The following NTRK3 variants were observed in gnomAD, a reference collection of about 807,000 sequenced individuals.
NTRK3 encodes the protein NT-3 growth factor receptor.
NTRK3 carries 24 observed loss-of-function variants against 91.7 expected under a neutral mutation model. That is an observed-to-expected ratio of 0.26 (90% CI 0.19 to 0.37). NTRK3 has a LOEUF of 0.37. Ranked by LOEUF, NTRK3 falls within the 10% of genes least tolerant of loss-of-function variation. The probability of loss-of-function intolerance (pLI) is 1.00; values close to 1 mark genes in which losing one functional copy is unlikely to be tolerated. For missense variants in NTRK3, 880 were observed against 1,068.9 expected (o/e 0.82, Z 2.46); for synonymous variants, 483 against 404.0 (o/e 1.20, Z -2.34).
chr15:88,118,056 G>T (rs1380326274), intron 13 of NTRK3, among the ~76,000 whole-genome samples: 1 of 152,242 alleles, frequency 6.6e-6, no homozygotes, highest in Non-Finnish European at 1.5e-5. Flanking sequence ...TGGGGCCGGG[G>T]ATTTGCAGCC....
chr15:87,917,933 T>G (rs1392216452), intron 17 of NTRK3, among the ~76,000 whole-genome samples: 1 of 152,140 alleles, frequency 6.6e-6, no homozygotes, highest in Non-Finnish European at 1.5e-5. Flanking sequence ...GCCACAAGTG[T>G]TTTTTATAGC....
chr15:88,128,241 G>A (rs951514133), intron 11 of NTRK3, among the ~76,000 whole-genome samples: 5 of 152,194 alleles, frequency 3.3e-5, no homozygotes, highest in African/African-American at 1.2e-4. Flanking sequence ...TTCCTTCTGA[G>A]GACACATGAG....
At position 88,255,790 on chromosome 15, in the gene NTRK3, G is replaced by GGGCGGCGGGC. The variant is rs1567728493; in HGVS notation, c.248+106_248+115dup. ...AGAGCGAGCCTGACGCGCGCCCAGC[G>GGGCGGCGGGC]GGCGGCGGGCAGCGGCGAGCTGGGG... On this transcript the variant is annotated intron_variant, in intron 3 of 18. Coordinates refer to ENST00000394480, the Ensembl canonical transcript of NTRK3. This position sits in a 1 kb window ranked among gnomAD's most constrained non-coding sequence, Gnocchi z 4.3. The GGGCGGCGGGC allele has an allele frequency of 2.4e-6, 2 of 835,372 alleles. No homozygotes were observed. The highest frequency in any genetic ancestry group is 4.6e-5 in the Admixed American group (1 of 21,926). The allele number at this position is 835,372 out of a possible 1,614,324, so 51.7% of individuals were successfully genotyped here.
At chr15:87,909,724 T>A (rs962367876) in intron 17 of NTRK3, among the ~76,000 whole-genome samples, 1 of 152,128 alleles carries the variant, frequency 6.6e-6, no homozygotes, top group Non-Finnish European at 1.5e-5. Context: ...ATGAGGTAAC[T>A]AAGGTTCAAT....
chr15:88,112,899 C>A (rs2051580948), intron 13 of NTRK3, among the ~76,000 whole-genome samples: 1 of 152,194 alleles, frequency 6.6e-6, no homozygotes, highest in Non-Finnish European at 1.5e-5. Flanking sequence ...CCGGGAGGTA[C>A]AGAGTTACCC....
intron 14 of NTRK3, among the ~76,000 whole-genome samples, chr15:88,023,002 G>A (rs765900643): frequency 3.9e-5 from 6 of 152,160 alleles, no homozygotes; most frequent in Admixed American, 1.3e-4. Context: ...GCTCCAAAGT[G>A]CATGCTAGGA....
chr15:87,958,130 C>T (rs928622783), intron 14 of NTRK3, among the ~76,000 whole-genome samples: 1 of 152,172 alleles, frequency 6.6e-6, no homozygotes, highest in Non-Finnish European at 1.5e-5. Flanking sequence ...ACACACAATT[C>T]CACAAATTAG....
chr15:88,054,556 T>C (rs2045519642), intron 13 of NTRK3, among the ~76,000 whole-genome samples: 2 of 152,168 alleles, frequency 1.3e-5, no homozygotes, highest in Non-Finnish European at 2.9e-5. Context: ...ATTAGACAGT[T>C]AGAATTAATT....
At chr15:88,026,087 C>T (rs571791474) in intron 14 of NTRK3, among the ~76,000 whole-genome samples, 4 of 152,198 alleles carry the variant, frequency 2.6e-5, no homozygotes, top group South Asian at 2.1e-4. Flanking sequence ...CTTGCTAACA[C>T]GGTGAAACCC....
chr15:88,189,156 G>A (rs748277018), intron 3 of NTRK3, among the ~76,000 whole-genome samples: 2 of 152,188 alleles, frequency 1.3e-5, no homozygotes, highest in African/African-American at 4.8e-5. Context: ...AAGATCTCAT[G>A]ATGCTGCCAG....
At chr15:87,952,379 G>C (rs377210777) in intron 14 of NTRK3, among the ~76,000 whole-genome samples, 9 of 152,282 alleles carry the variant, frequency 5.9e-5, no homozygotes, top group African/African-American at 2.2e-4. Context: ...CCATGAAAGG[G>C]CTCTTGCCCT....
At chr15:88,137,673 G>A in intron 6 of NTRK3, 112 bp from the exon 7 acceptor site, 2 of 1,062,354 alleles carry the variant, frequency 1.9e-6, no homozygotes, top group African/African-American at 1.6e-5. Context: ...AAGGGGAGAA[G>A]GGATTTAACA....
intron 5 of NTRK3, among the ~76,000 whole-genome samples, chr15:88,183,023 C>A (rs1266922322): frequency 2.1e-5 from 3 of 141,912 alleles, no homozygotes; most frequent in African/African-American, 8.0e-5. Flanking sequence ...CCCCCCCCCG[C>A]CCCCCGCCAG....
chr15:88,114,616 G>A (rs1169871234), intron 13 of NTRK3, among the ~76,000 whole-genome samples: 1 of 152,216 alleles, frequency 6.6e-6, no homozygotes, highest in Non-Finnish European at 1.5e-5. Context: ...CAGAAATAAT[G>A]TGGCACAGAA....
At chr15:87,895,004 G>A (rs763725773) in intron 17 of NTRK3, among the ~76,000 whole-genome samples, 1 of 152,142 alleles carries the variant, frequency 6.6e-6, no homozygotes, top group Non-Finnish European at 1.5e-5. Context: ...ATATCTTTGT[G>A]GGGGTGGGGA....
At chr15:87,943,387 G>A (rs1445802831) in intron 14 of NTRK3, among the ~76,000 whole-genome samples, 1 of 151,776 alleles carries the variant, frequency 6.6e-6, no homozygotes, top group Non-Finnish European at 1.5e-5. Flanking sequence ...TAGCTGTGTG[G>A]CCTAGATTGA....
At chr15:88,169,105 G>A (rs958595306) in intron 5 of NTRK3, among the ~76,000 whole-genome samples, 3 of 152,194 alleles carry the variant, frequency 2.0e-5, no homozygotes, top group African/African-American at 7.2e-5. Context: ...GAGAGCCCTG[G>A]AGGACATGCA....
rs115020463 is a variant in NTRK3 at position 88,088,344 on chromosome 15, G to A, written c.1396+37927C>T. Among the ~76,000 whole-genome samples, 701 of 152,240 alleles carry A rather than the reference G, an allele frequency of 4.6e-3. 4 individuals carry two copies. Among genetic ancestry groups the A allele is most frequent in the African/African-American group, 0.016 (683 of 41,526 alleles). Reference sequence around the variant, plus strand: ...ATGAGTATTAGAATAATGTCATGAGGCAATAACTTCAGAGGCATGAGATGT... The same window carrying A: ...ATGAGTATTAGAATAATGTCATGAGACAATAACTTCAGAGGCATGAGATGT... On this transcript the variant is annotated intron_variant, in intron 13 of 18. Transcript: ENST00000394480.
chr15:87,941,926 T>C (rs2069905583), intron 14 of NTRK3, among the ~76,000 whole-genome samples: 1 of 152,258 alleles, frequency 6.6e-6, no homozygotes, highest in Non-Finnish European at 1.5e-5. Flanking sequence ...GTATTCACAT[T>C]TTGAAGAGCA....
Sources: gnomAD v4.1 joint callset for allele counts (sites outside exome capture counted in the v4.1 genomes callset) on GRCh38, gnomAD v4.1.1 for gene constraint, Gnocchi (gnomAD v3.1) non-coding constraint, MANE v1.5 for transcripts, NCBI Gene and HGNC (gene_info 2026-07-23, HGNC 2026-07-21) for gene names.